COL5A1: variants seen among roughly 807,000 people sequenced by gnomAD.
COL5A1 encodes the protein collagen alpha-1(V) chain.
A neutral mutation model predicts 263.7 loss-of-function variants in COL5A1; 16 were observed. That is an observed-to-expected ratio of 0.06 (90% CI 0.04 to 0.09). The LOEUF (loss-of-function observed/expected upper bound fraction) is 0.09, where lower values mean the gene tolerates loss of function less well. Ranked by LOEUF, COL5A1 falls within the 10% of genes least tolerant of loss-of-function variation. The pLI, the probability that COL5A1 is intolerant of heterozygous loss-of-function variation, is 1.00. For synonymous variants in COL5A1, 1,012 were observed against 1,004.5 expected (o/e 1.01, Z -0.14); for missense variants, 2,036 against 2,540.5 (o/e 0.80, Z 4.27).
At chr9:134,685,082 A>ATT (rs1832977658) in intron 1 of COL5A1, among the ~76,000 whole-genome samples, 3 of 98,450 alleles carry the variant, frequency 3.0e-5, no homozygotes, top group Non-Finnish European at 4.5e-5. Flanking sequence ...CCATCCATCC[A>ATT]CCCACCATCC....
intron 64 of COL5A1, 33 bp from the exon 65 acceptor site, chr9:134,834,938 C>T: frequency 6.7e-7 from 1 of 1,493,420 alleles, no homozygotes; most frequent in South Asian, 1.1e-5. Context: ...TGTGTCCCCA[C>T]CCTGCTGAGC....
At chr9:134,675,731 T>G (rs1009507393) in intron 1 of COL5A1, among the ~76,000 whole-genome samples, 1 of 152,136 alleles carries the variant, frequency 6.6e-6, no homozygotes, top group Non-Finnish European at 1.5e-5. Context: ...TGTGTGGTGT[T>G]GATCCTGGCT....
chr9:134,699,839 C>T (rs1368607769), intron 2 of COL5A1, 70 bp from the exon 3 acceptor site: 1 of 1,490,970 alleles, frequency 6.7e-7, no homozygotes, highest in Middle Eastern at 1.7e-4. Flanking sequence ...GGCTTGTTTG[C>T]AGAGAGCCAT....
chr9:134,800,941 G>T (rs948018992), intron 37 of COL5A1, among the ~76,000 whole-genome samples: 6 of 152,078 alleles, frequency 3.9e-5, no homozygotes, highest in Non-Finnish European at 8.8e-5. Flanking sequence ...AGTTTGCCTC[G>T]AGGCCTCCGG....
chr9:134,775,968 C>T (rs1006577091), intron 27 of COL5A1, among the ~76,000 whole-genome samples: 2 of 152,216 alleles, frequency 1.3e-5, no homozygotes, highest in Non-Finnish European at 2.9e-5. Context: ...CCCTCACCTG[C>T]TCTGAGAGCC....
At chr9:134,732,473 G>A (rs1834926734) in intron 9 of COL5A1, 1 of 469,080 alleles carries the variant, frequency 2.1e-6, no homozygotes, top group Non-Finnish European at 3.9e-6. Context: ...CCTTTGAGGG[G>A]TGGAGGAGAG....
At chr9:134,709,309 A>C in intron 4 of COL5A1, 1 of 87,318 alleles carries the variant, frequency 1.1e-5, no homozygotes, top group Non-Finnish European at 2.2e-5. Context: ...CTGGCTGAGG[A>C]GGGGTGGGGG....
intron 63 of COL5A1, among the ~76,000 whole-genome samples, chr9:134,827,255 G>T (rs761758847): frequency 6.6e-6 from 1 of 152,164 alleles, no homozygotes; most frequent in Non-Finnish European, 1.5e-5. Context: ...CCTCAATCAC[G>T]CCCTGACCGT....
Position 134,738,483 on chromosome 9 carries a change from A to G in COL5A1, c.1399A>G (p.Ile467Val). The change falls in exon 10 of 66, where the codon ATC becomes GTC. Residue 467 changes from isoleucine (I) to valine (V), a missense_variant. Physicochemically the swap from Ile to Val is conservative, Grantham distance 29. Coordinates refer to ENST00000371817, the MANE Select transcript of COL5A1 (RefSeq NM_000093.5). ...CTCTCTGTCTCCCCAGGGCATGCTC[A>G]TCGAGGGCCCGCCTGGCCCAGAAGG... ...EPAIIEPGML[I>V]EGPPGPEGPA... 1 of 1,613,976 alleles carries G rather than the reference A, an allele frequency of 6.2e-7. No individual in the cohort carries two copies.
chr9:134,681,278 G>A lies in COL5A1; in HGVS notation c.110-9634G>A, dbSNP rs2132531023. ...GCTCTCTGGCTTCCAGGAAATACAG[G>A]AAGGGAACTAGGAGGGACAGCCGCC... On this transcript the variant is annotated intron_variant, in intron 1 of 65. Coordinates refer to ENST00000371817, the MANE Select transcript of COL5A1 (RefSeq NM_000093.5). This position sits in a 1 kb window ranked among gnomAD's most constrained non-coding sequence, Gnocchi z 4.3. Among the ~76,000 whole-genome samples the A allele has an allele frequency of 6.6e-6, 1 of 152,328 alleles. No homozygotes were observed. Among genetic ancestry groups the A allele is most frequent in the South Asian group, 2.1e-4 (1 of 4,828 alleles).
rs539750228 is a variant in COL5A1, at chr9:134,843,076, C to T, written c.*773C>T. On this transcript the variant is annotated 3_prime_UTR_variant, in exon 66 of 66. Coordinates refer to ENST00000371817, the MANE Select transcript of COL5A1 (RefSeq NM_000093.5). ...CGTGCAATAAATTGGAAGTTTGCCC[C>T]GGGGCAGCAAGAATTTATGCTGCCA... 4.6e-5 allele frequency: 7 copies of T among 151,948 alleles called. No individual in the cohort carries two copies. Among genetic ancestry groups the T allele is most frequent in the African/African-American group, 1.2e-4 (5 of 41,212 alleles). The allele number at this position is 151,948 out of a possible 1,614,324, so 9.4% of individuals were successfully genotyped here. A position where few individuals can be genotyped will look rare whatever the true frequency, so the allele number is the denominator to read the frequency against.
chr9:134,835,889 T>A (rs909679921), intron 65 of COL5A1, among the ~76,000 whole-genome samples: 1 of 152,188 alleles, frequency 6.6e-6, no homozygotes, highest in Non-Finnish European at 1.5e-5. Context: ...AGGTCTGGGA[T>A]GTGCCCGCGT....
chr9:134,831,975 G>C (rs1244646676), intron 64 of COL5A1, among the ~76,000 whole-genome samples: 1 of 152,162 alleles, frequency 6.6e-6, no homozygotes, highest in African/African-American at 2.4e-5. Context: ...AAGATACCCA[G>C]ATTTTTCAGC....
chr9:134,814,501 C>T (rs1271679118), intron 49 of COL5A1, among the ~76,000 whole-genome samples: 1 of 152,220 alleles, frequency 6.6e-6, no homozygotes, highest in Non-Finnish European at 1.5e-5. Flanking sequence ...GTGGGCACCC[C>T]TTGTGGTCTT....
intron 28 of COL5A1, 104 bp from the exon 29 acceptor site, chr9:134,782,563 G>C (rs560737725): frequency 9.2e-7 from 1 of 1,086,376 alleles, no homozygotes; most frequent in South Asian, 1.2e-5. Context: ...CCCCCCAAGC[G>C]TGGGGGACCT....
At chr9:134,795,189 G>A (rs547183431) in intron 33 of COL5A1, 63 bp downstream of exon 33, 8 of 1,613,228 alleles carry the variant, frequency 5.0e-6, no homozygotes, top group East Asian at 4.5e-5. Context: ...GGGAGCACGT[G>A]CCAGGGGCTG....
intron 48 of COL5A1, 108 bp from the exon 49 acceptor site, chr9:134,813,875 C>A: frequency 3.1e-6 from 4 of 1,272,150 alleles, no homozygotes; most frequent in Non-Finnish European, 3.4e-6. Flanking sequence ...GTCCTGGGTG[C>A]CCAGGGGCAG....
intron 9 of COL5A1, among the ~76,000 whole-genome samples, chr9:134,735,918 G>A (rs549767319): frequency 6.6e-5 from 10 of 152,370 alleles, no homozygotes; most frequent in South Asian, 2.1e-4. Context: ...CCCCCCAACC[G>A]GGAGTCCCCT....
chr9:134,740,540 C>T (rs907385549), intron 11 of COL5A1, among the ~76,000 whole-genome samples: 3 of 152,250 alleles, frequency 2.0e-5, no homozygotes, highest in Non-Finnish European at 4.4e-5. Flanking sequence ...ACACACAGGG[C>T]ACCCAGATGC....
Sources: gnomAD v4.1 joint callset for allele counts (sites outside exome capture counted in the v4.1 genomes callset) on GRCh38, gnomAD v4.1.1 for gene constraint, Gnocchi (gnomAD v3.1) non-coding constraint, MANE v1.5 for transcripts, NCBI Gene and HGNC (gene_info 2026-07-23, HGNC 2026-07-21) for gene names.